CSMD1: variants seen among roughly 807,000 people sequenced by gnomAD.
The protein encoded by CSMD1 is CUB and sushi domain-containing protein 1.
Under a neutral mutation model 417.5 loss-of-function variants are expected in CSMD1, and 213 were observed. The observed-to-expected ratio is 0.51, with a 90% CI of 0.46 to 0.57. The LOEUF (loss-of-function observed/expected upper bound fraction) is 0.57, where lower values mean the gene tolerates loss of function less well. Ranked by LOEUF, CSMD1 falls within the 20% of genes least tolerant of loss-of-function variation. The probability of loss-of-function intolerance (pLI) is 0.00; values close to 1 mark genes in which losing one functional copy is unlikely to be tolerated. For synonymous variants in CSMD1, 2,862 were observed against 1,736.8 expected, an observed-to-expected ratio of 1.65 and a Z score of -16.11; for missense variants, 6,923 against 4,529.7, an observed-to-expected ratio of 1.53 and a Z score of -15.17.
chr8:4,023,897 G>C lies in CSMD1; in HGVS notation c.610+8008C>G, dbSNP rs940931357. 2.7e-5 allele frequency among the ~76,000 whole-genome samples: 4 copies of C among 150,898 alleles called. No individual in the cohort carries two copies. In the East Asian group the frequency reaches 5.9e-4, roughly 22 times the overall value. On this transcript the variant is annotated intron_variant, in intron 4 of 69. Transcript: ENST00000635120. ...CTCCCAAAGTGCTGGGATTACAGGC[G>C]TGAGCCACAGCACCCGACCACTGCT...
At chr8:4,801,613 T>A (rs1343897821) in intron 1 of CSMD1, among the ~76,000 whole-genome samples, 1 of 152,198 alleles carries the variant, frequency 6.6e-6, no homozygotes, top group Non-Finnish European at 1.5e-5. Flanking sequence ...CTATGCCGCT[T>A]TGACACACTC....
chr8:4,429,057 G>A (rs1013777791), intron 2 of CSMD1, among the ~76,000 whole-genome samples: 1 of 151,854 alleles, frequency 6.6e-6, no homozygotes, highest in East Asian at 1.9e-4. Flanking sequence ...CATACTTACA[G>A]TGTACAATAC....
intron 7 of CSMD1, among the ~76,000 whole-genome samples, chr8:3,655,159 G>C (rs1036565546): frequency 6.6e-6 from 1 of 152,124 alleles, no homozygotes; most frequent in Non-Finnish European, 1.5e-5. Context: ...TCTTGCTTTT[G>C]ACTTTGTTCC....
intron 3 of CSMD1, among the ~76,000 whole-genome samples, chr8:4,327,410 T>C (rs541912205): frequency 5.9e-5 from 9 of 152,284 alleles, no homozygotes; most frequent in East Asian, 1.9e-4. Context: ...CTTGGGCAAA[T>C]TGCAGAACAC....
chr8:4,647,298 G>A (rs550635116), intron 1 of CSMD1, among the ~76,000 whole-genome samples: 1 of 151,076 alleles, frequency 6.6e-6, no homozygotes, highest in Non-Finnish European at 1.5e-5. Flanking sequence ...ACAAACTGCA[G>A]GTTTGTTACA....
At chr8:3,355,688 T>G (rs1808733952) in intron 21 of CSMD1, among the ~76,000 whole-genome samples, 1 of 152,200 alleles carries the variant, frequency 6.6e-6, no homozygotes, top group Non-Finnish European at 1.5e-5. Flanking sequence ...TGAGAGATGC[T>G]GAGACCTCAG....
chr8:3,409,439 G>T lies in CSMD1; in HGVS notation c.1728C>A (p.Asn576Lys). The T allele has an allele frequency of 6.2e-7, 1 of 1,610,516 alleles. No homozygotes were observed. The highest frequency in any genetic ancestry group is 1.7e-4 in the Middle Eastern group (1 of 6,048). The change falls in exon 13 of 70, where the codon AAC becomes AAA. Residue 576 changes from asparagine (N) to lysine (K), a missense_variant. Physicochemically the swap from Asn to Lys is moderately conservative, Grantham distance 94. Transcript: ENST00000635120. ...TCQQNNQWSGNKPSCVFSCFF... is the reference protein window; with the variant it reads ...TCQQNNQWSGKKPSCVFSCFF... ...AATACTCACATACACAGCTGGGCTT[G>T]TTGCCAGACCACTGATTGTTCTGCT...
chr8:3,018,411 C>G, intron 52 of CSMD1, 66 bp downstream of exon 52: 1 of 1,468,312 alleles, frequency 6.8e-7, no homozygotes, highest in Non-Finnish European at 9.3e-7. Flanking sequence ...ATATGTGTTA[C>G]ACAGCTGTAA....
chr8:4,022,732 G>C (rs1186083259), intron 4 of CSMD1, among the ~76,000 whole-genome samples: 1 of 152,136 alleles, frequency 6.6e-6, no homozygotes, highest in Non-Finnish European at 1.5e-5. Flanking sequence ...ACAACTCACT[G>C]GATGAACAGA....
intron 2 of CSMD1, among the ~76,000 whole-genome samples, chr8:4,589,156 G>A (rs531732504): frequency 3.3e-5 from 5 of 152,076 alleles, no homozygotes; most frequent in African/African-American, 1.2e-4. Flanking sequence ...CTCTCAATGA[G>A]AAAAGAAAGA....
intron 3 of CSMD1, among the ~76,000 whole-genome samples, chr8:4,275,319 T>C (rs1282377774): frequency 6.6e-6 from 1 of 152,156 alleles, no homozygotes; most frequent in Non-Finnish European, 1.5e-5. Context: ...TCAGAAGGTA[T>C]AAAGCTTCTG....
rs139483623 is a variant in CSMD1, at chr8:4,152,742, G to A, written c.416-120643C>T. Among the ~76,000 whole-genome samples the A allele has an allele frequency of 5.5e-3, 832 of 151,412 alleles. 4 individuals are homozygous for A. Among genetic ancestry groups the A allele is most frequent in the South Asian group, 0.01 (50 of 4,822 alleles). On this transcript the variant is annotated intron_variant, in intron 3 of 69. Coordinates refer to ENST00000635120, the MANE Select transcript of CSMD1 (RefSeq NM_033225.6). ...ATACACACACACAATAGATATATAC[G>A]TCCATAGTAATATATACATATAATC...
At chr8:3,279,278 G>C (rs80188933) in intron 26 of CSMD1, 1 of 152,150 alleles carries the variant, frequency 6.6e-6, no homozygotes. Flanking sequence ...TCCCTCTCTG[G>C]ACTCACCACA....
intron 3 of CSMD1, among the ~76,000 whole-genome samples, chr8:4,385,426 T>A (rs1803383020): frequency 6.6e-6 from 1 of 152,230 alleles, no homozygotes. Flanking sequence ...CAGCACTGAT[T>A]TCACTTAGTA....
At chr8:4,484,862 A>G (rs1801286676) in intron 2 of CSMD1, among the ~76,000 whole-genome samples, 1 of 151,568 alleles carries the variant, frequency 6.6e-6, no homozygotes, top group African/African-American at 2.4e-5. Flanking sequence ...AGTCCCAACT[A>G]CTCGGGAGGC....
At chr8:4,350,276 C>G (rs147844192) in intron 3 of CSMD1, among the ~76,000 whole-genome samples, 88 of 152,292 alleles carry the variant, frequency 5.8e-4, no homozygotes, top group African/African-American at 2.0e-3. Flanking sequence ...CTAGGGGACG[C>G]CAACTGCAGG....
At chr8:4,912,864 C>A (rs1805792296) in intron 1 of CSMD1, among the ~76,000 whole-genome samples, 2 of 152,104 alleles carry the variant, frequency 1.3e-5, no homozygotes, top group African/African-American at 4.8e-5. Flanking sequence ...TGGCTTACTA[C>A]AACCTCCACC....
intron 10 of CSMD1, among the ~76,000 whole-genome samples, chr8:3,500,134 G>A (rs141516409): frequency 4.6e-5 from 7 of 152,212 alleles, no homozygotes; most frequent in Non-Finnish European, 8.8e-5. Context: ...CGCACTTCAC[G>A]TTCATCTTTA....
At position 3,586,040 on chromosome 8, in the gene CSMD1, C is replaced by G. The variant is rs755919567; in HGVS notation, c.1222+96G>C. The G allele has an allele frequency of 4.0e-6, 5 of 1,260,736 alleles. No individual in the cohort carries two copies. The East Asian group carries it at 1.0e-4, about 26-fold the overall frequency. 78.1% of individuals were successfully genotyped at this position (1,260,736 alleles called of 1,614,324 possible). A position where few individuals can be genotyped will look rare whatever the true frequency, so the allele number is the denominator to read the frequency against. On this transcript the variant is annotated intron_variant, in intron 9 of 69. Coordinates refer to ENST00000635120, the MANE Select transcript of CSMD1 (RefSeq NM_033225.6). ...ACATTACTACCGAATTCTACTCTTC[C>G]CATACACAATGCTTCATGCTTAAAT...
Sources: allele counts gnomAD v4.1 joint callset (sites outside exome capture counted in the v4.1 genomes callset), GRCh38; gene constraint gnomAD v4.1.1; transcripts MANE v1.5; gene names NCBI Gene and HGNC (gene_info 2026-07-23, HGNC 2026-07-21).